Variants in FAM114A1 observed in about 807,000 individuals in gnomAD.
FAM114A1 encodes the protein protein NOXP20.
FAM114A1 carries 62 observed loss-of-function variants against 64.3 expected under a neutral mutation model. That is an observed-to-expected ratio of 0.96 (90% confidence interval 0.79 to 1.19). The LOEUF (loss-of-function observed/expected upper bound fraction) is 1.19, where lower values mean the gene tolerates loss of function less well. Ranked by LOEUF, FAM114A1 falls within the 50% of genes most tolerant of loss-of-function variation. FAM114A1 has a pLI of 0.00. For synonymous variants in FAM114A1, 254 were observed against 251.1 expected, an observed-to-expected ratio of 1.01 and a Z score of -0.11; for missense variants, 645 against 676.3, an observed-to-expected ratio of 0.95 and a Z score of 0.51.
intron 3 of FAM114A1, among the ~76,000 whole-genome samples, chr4:38,888,232 G>A (rs945253486): frequency 1.3e-5 from 2 of 151,662 alleles, no homozygotes; most frequent in Non-Finnish European, 2.9e-5. Context: ...TTTAAAGAAC[G>A]TTGAACTTGG....
chr4:38,911,208 G>T (rs1269883544), intron 7 of FAM114A1, among the ~76,000 whole-genome samples: 1 of 152,224 alleles, frequency 6.6e-6, no homozygotes, highest in African/African-American at 2.4e-5. Flanking sequence ...TCCCACCCCA[G>T]TGAAGAGAAG....
At chr4:38,904,485 GA>G (rs1429697896) in intron 4 of FAM114A1, among the ~76,000 whole-genome samples, 10 of 152,210 alleles carry the variant, frequency 6.6e-5, no homozygotes, top group Non-Finnish European at 1.5e-4. Context: ...CTGGCTCAGG[GA>G]ACAAGGGTAT....
intron 6 of FAM114A1, among the ~76,000 whole-genome samples, chr4:38,906,613 C>G (rs1212566385): frequency 6.6e-6 from 1 of 152,176 alleles, no homozygotes; most frequent in Non-Finnish European, 1.5e-5. Context: ...CGGCTCACTG[C>G]AACCTCCGCA....
intron 3 of FAM114A1, among the ~76,000 whole-genome samples, chr4:38,878,928 T>G (rs1457777944): frequency 6.6e-6 from 1 of 152,222 alleles, no homozygotes; most frequent in African/African-American, 2.4e-5. Context: ...TACAAGTCCA[T>G]AGTGGAGATC....
At chr4:38,934,984 G>A (rs1399492511) in intron 12 of FAM114A1, among the ~76,000 whole-genome samples, 2 of 151,238 alleles carry the variant, frequency 1.3e-5, no homozygotes, top group African/African-American at 2.4e-5. Flanking sequence ...GCATGATCTC[G>A]GCTCACTGCA....
intron 2 of FAM114A1, among the ~76,000 whole-genome samples, chr4:38,870,030 A>G (rs910942214): frequency 1.3e-5 from 2 of 152,196 alleles, no homozygotes; most frequent in Non-Finnish European, 2.9e-5. Context: ...CAGTTTGTCC[A>G]TCCTAGCTTT....
intron 10 of FAM114A1, among the ~76,000 whole-genome samples, chr4:38,929,802 A>G (rs1460887272): frequency 6.6e-6 from 1 of 152,118 alleles, no homozygotes; most frequent in Admixed American, 6.5e-5. Context: ...GAAAAAACGA[A>G]AAGATTTGAG....
chr4:38,918,051 T>C (rs1297886755), intron 8 of FAM114A1, among the ~76,000 whole-genome samples: 1 of 150,668 alleles, frequency 6.6e-6, no homozygotes, highest in Non-Finnish European at 1.5e-5. Flanking sequence ...ACCCCGTCTC[T>C]ACTAAAAAAA....
rs577506590 is a variant in FAM114A1, at chr4:38,929,783, T to A, written c.1161+450T>A. 4.6e-5 allele frequency among the ~76,000 whole-genome samples: 7 copies of A among 152,124 alleles called. No individual in the cohort carries two copies. The South Asian group carries it at 1.2e-3, about 27-fold the overall frequency. On this transcript the variant is annotated intron_variant, in intron 10 of 14. Transcript: ENST00000358869. ...CAGAGTGAGACTCTCTCTCAAATTT[T>A]AAAAAAAGGAAAAAACGAAAAGATT...
chr4:38,928,981 G>A (rs766354837), intron 9 of FAM114A1: 7 of 458,634 alleles, frequency 1.5e-5, no homozygotes, highest in Non-Finnish European at 2.4e-5. Context: ...CTGACCTCTT[G>A]TTGCCTTTGG....
chr4:38,917,273 G>C (rs1180908462), intron 8 of FAM114A1, among the ~76,000 whole-genome samples: 2 of 152,086 alleles, frequency 1.3e-5, no homozygotes, highest in Non-Finnish European at 2.9e-5. Flanking sequence ...GGGAGGCAGA[G>C]GTTGCAGTAA....
chr4:38,919,085 G>A (rs749896567), intron 8 of FAM114A1, among the ~76,000 whole-genome samples: 9 of 150,952 alleles, frequency 6.0e-5, no homozygotes, highest in Admixed American at 2.0e-4. Context: ...CCTGGGGGGC[G>A]GAGGTTGTAG....
rs750007330 is a variant in FAM114A1, at chr4:38,945,106, C to A, written c.*1549C>A. ...GTTTAAAATTAATTTCTTACGATCA[C>A]GAGCACATGGTGGCATAATTACAAA... is the stretch of plus-strand genomic sequence containing the variant. On this transcript the variant is annotated 3_prime_UTR_variant, in exon 15 of 15. Transcript: ENST00000358869. 1 of 152,084 alleles carries A rather than the reference C, an allele frequency of 6.6e-6. No homozygotes were observed. Among genetic ancestry groups the A allele is most frequent in the Non-Finnish European group, 1.5e-5 (1 of 68,012 alleles). 9.4% of individuals were successfully genotyped at this position (152,084 alleles called of 1,614,324 possible). A position where few individuals can be genotyped will look rare whatever the true frequency, so the allele number is the denominator to read the frequency against.
intron 4 of FAM114A1, among the ~76,000 whole-genome samples, chr4:38,895,023 T>C (rs771710994): frequency 2.0e-5 from 3 of 152,128 alleles, no homozygotes; most frequent in Non-Finnish European, 2.9e-5. Context: ...ATAATGGAAG[T>C]TGTTCCTCGC....
intron 2 of FAM114A1, among the ~76,000 whole-genome samples, chr4:38,869,267 A>G (rs1290535029): frequency 1.3e-5 from 2 of 152,230 alleles, no homozygotes; most frequent in Non-Finnish European, 2.9e-5. Flanking sequence ...ATTTCATTGG[A>G]AGCAGTGGGG....
intron 3 of FAM114A1, among the ~76,000 whole-genome samples, chr4:38,886,053 G>A (rs1443933821): frequency 1.3e-5 from 2 of 152,140 alleles, no homozygotes; most frequent in African/African-American, 2.4e-5. Flanking sequence ...AAATGAGTCC[G>A]TGGCTTTGAC....
chr4:38,905,720 C>T lies in FAM114A1; in HGVS notation c.551-35C>T, dbSNP rs772457949. ...AGGTTTTCCAAGTTCAGATCAGCGA[C>T]GTGAACTCTTAAAGGATTTCTTTTT... On this transcript the variant is annotated intron_variant, in intron 5 of 14. Transcript: ENST00000358869. The T allele has an allele frequency of 1.5e-5, 24 of 1,608,722 alleles. No homozygotes were observed. The East Asian group carries it at 1.8e-4, about 12-fold the overall frequency.
chr4:38,894,110 C>T (rs1398738583), intron 4 of FAM114A1, among the ~76,000 whole-genome samples: 6 of 135,998 alleles, frequency 4.4e-5, no homozygotes, highest in African/African-American at 1.7e-4. Context: ...TTGCAGTGAA[C>T]AGAGATTACG....
At position 38,906,254 on chromosome 4, in the gene FAM114A1, A is replaced by G. The variant is rs1350679197; in HGVS notation, c.657+393A>G. ...AGTTTGAAAAAGCATTAAACCGTTT[A>G]AATAAAAAGTACCCGTTACAAGACA... On this transcript the variant is annotated intron_variant, in intron 6 of 14. Transcript: ENST00000358869. 2.0e-5 allele frequency among the ~76,000 whole-genome samples: 3 copies of G among 152,102 alleles called. No homozygotes were observed. In the East Asian group the frequency reaches 5.8e-4, roughly 29 times the overall value.
Sources: allele counts gnomAD v4.1 joint callset (sites outside exome capture counted in the v4.1 genomes callset), GRCh38; gene constraint gnomAD v4.1.1; transcripts MANE v1.5; gene names NCBI Gene and HGNC (gene_info 2026-07-23, HGNC 2026-07-21).